Variants in AKAP6 observed in about 807,000 individuals in gnomAD.
The protein encoded by AKAP6 is A-kinase anchor protein 6.
Under a neutral mutation model 188.5 loss-of-function variants are expected in AKAP6, and 58 were observed. The observed-to-expected ratio is 0.31, with a 90% CI of 0.25 to 0.38. The LOEUF is 0.38. AKAP6 is among the 10% of genes least tolerant of loss of function. The pLI, the probability that AKAP6 is intolerant of heterozygous loss-of-function variation, is 1.00. For missense variants in AKAP6, 2,710 were observed against 2,740.0 expected (o/e 0.99, Z 0.24); for synonymous variants, 989 against 998.6 (o/e 0.99, Z 0.18).
chr14:32,774,494 G>A (rs769029525), intron 12 of AKAP6, among the ~76,000 whole-genome samples: 1 of 152,174 alleles, frequency 6.6e-6, no homozygotes. Flanking sequence ...CAGTGCTCAA[G>A]GTGGTGAGTA....
In AKAP6 at chr14:32,546,783, G is replaced by C. The variant is rs1345663106; in HGVS notation, c.2130G>C (p.Glu710Asp). The change falls in exon 4 of 14, where the codon GAG becomes GAC. Residue 710 changes from glutamate (E) to aspartate (D), a missense_variant. Glu to Asp is a conservative substitution (Grantham distance 45, BLOSUM62 2). Coordinates refer to ENST00000280979, the MANE Select transcript of AKAP6 (RefSeq NM_004274.5). ...GTGACATAGCCTCTTCACTAGGGGA[G>C]AGCATTGAATCTGGGCCCCTGAGTG... ...SSSDIASSLG[E>D]SIESGPLSDI... 2 of 1,614,134 alleles carry C rather than the reference G, an allele frequency of 1.2e-6. No homozygotes were observed. The highest frequency in any genetic ancestry group is 2.2e-5 in the South Asian group (2 of 91,076).
At chr14:32,668,815 T>C (rs1889057083) in intron 7 of AKAP6, among the ~76,000 whole-genome samples, 5 of 152,094 alleles carry the variant, frequency 3.3e-5, no homozygotes, top group Admixed American at 3.3e-4. Context: ...TTATGATTAG[T>C]TTTATATCCT....
chr14:32,573,797 G>A (rs1956211), intron 4 of AKAP6, among the ~76,000 whole-genome samples: 120,856 of 152,074 alleles, frequency 0.79, 48,121 homozygotes, highest in East Asian at 0.91. Flanking sequence ...TGCCAGCAGA[G>A]CTTCTGAAAA....
At chr14:32,487,548 T>C (rs1879770548) in intron 2 of AKAP6, among the ~76,000 whole-genome samples, 1 of 152,244 alleles carries the variant, frequency 6.6e-6, no homozygotes, top group Non-Finnish European at 1.5e-5. Flanking sequence ...TTCTGTCAAT[T>C]TGTCAATCTC....
In AKAP6 at chr14:32,696,095, G is replaced by C. The variant is rs757083697; in HGVS notation, c.2985G>C (p.Gln995His). The change falls in exon 9 of 14, where the codon CAG (glutamine) becomes CAC (histidine). Residue 995 changes from glutamine to histidine, a missense_variant. Coordinates refer to ENST00000280979, the MANE Select transcript of AKAP6 (RefSeq NM_004274.5). ...ACCTGATGATGTCAGAGGAGCAGCAGCAGCATCTTTACAAGGTTAGAGCTA... is the reference window on the plus strand; with the variant it reads ...ACCTGATGATGTCAGAGGAGCAGCACCAGCATCTTTACAAGGTTAGAGCTA... ...SHDLMMSEEQ[Q>H]QHLYKRYSVE... The C allele has an allele frequency of 1.2e-5, 20 of 1,608,666 alleles. No individual in the cohort carries two copies. Among genetic ancestry groups the C allele is most frequent in the Non-Finnish European group, 1.7e-5 (20 of 1,178,522 alleles).
chr14:32,666,417 T>C (rs1486219728), intron 7 of AKAP6, among the ~76,000 whole-genome samples: 1 of 152,088 alleles, frequency 6.6e-6, no homozygotes, highest in Non-Finnish European at 1.5e-5. Context: ...TTAGTTACAG[T>C]CTCCAGCTGT....
chr14:32,816,179 T>C (rs1188342148), intron 12 of AKAP6, among the ~76,000 whole-genome samples: 4 of 152,170 alleles, frequency 2.6e-5, no homozygotes, highest in Admixed American at 2.6e-4. Flanking sequence ...TGTTTGTCAT[T>C]GCTCTTATAT....
intron 2 of AKAP6, among the ~76,000 whole-genome samples, chr14:32,491,217 C>T (rs1264295539): frequency 6.6e-6 from 1 of 152,176 alleles, no homozygotes; most frequent in African/African-American, 2.4e-5. Context: ...AGTTATTTAT[C>T]CTAACTTCTA....
chr14:32,422,759 C>T (rs953118063), intron 1 of AKAP6, among the ~76,000 whole-genome samples: 1 of 137,170 alleles, frequency 7.3e-6, no homozygotes, highest in Non-Finnish European at 1.6e-5. Flanking sequence ...CTCAGATATT[C>T]CTAACACTTG....
At chr14:32,602,982 G>C (rs1885991867) in intron 7 of AKAP6, among the ~76,000 whole-genome samples, 1 of 152,178 alleles carries the variant, frequency 6.6e-6, no homozygotes, top group Non-Finnish European at 1.5e-5. Flanking sequence ...TGAAGTGTGA[G>C]CAACAGATTT....
intron 5 of AKAP6, among the ~76,000 whole-genome samples, chr14:32,591,497 T>A (rs1885484480): frequency 6.6e-6 from 1 of 151,780 alleles, no homozygotes; most frequent in African/African-American, 2.4e-5. Context: ...AGCAACTGTT[T>A]GTTTGAAATA....
At chr14:32,370,650 T>C (rs1045596360) in intron 1 of AKAP6, among the ~76,000 whole-genome samples, 8 of 152,220 alleles carry the variant, frequency 5.3e-5, no homozygotes, top group Non-Finnish European at 1.0e-4. Flanking sequence ...GCAACTTGCA[T>C]AAGATAAATC....
chr14:32,404,691 G>GATATATAT (rs55702209), intron 1 of AKAP6, among the ~76,000 whole-genome samples: 964 of 44,430 alleles, frequency 0.022, 117 homozygotes, highest in African/African-American at 0.058. Flanking sequence ...GGAGTCAGGA[G>GATATATAT]ATATATATAT....
At chr14:32,592,626 C>A (rs1208498191) in intron 5 of AKAP6, among the ~76,000 whole-genome samples, 1 of 152,078 alleles carries the variant, frequency 6.6e-6, no homozygotes, top group Non-Finnish European at 1.5e-5. Flanking sequence ...ATGCTCAGGG[C>A]CTGGGTCTTA....
At chr14:32,760,949 A>G (rs1488069500) in intron 11 of AKAP6, among the ~76,000 whole-genome samples, 2 of 152,202 alleles carry the variant, frequency 1.3e-5, no homozygotes, top group African/African-American at 4.8e-5. Flanking sequence ...AATGACCCTG[A>G]GAGTATTACC....
intron 5 of AKAP6, among the ~76,000 whole-genome samples, chr14:32,591,216 C>T (rs1885471916): frequency 1.3e-5 from 2 of 152,146 alleles, no homozygotes; most frequent in African/African-American, 4.8e-5. Flanking sequence ...ATCAGGGCCT[C>T]TGGAAGTCAA....
chr14:32,806,650 C>T (rs1422298698), intron 12 of AKAP6, among the ~76,000 whole-genome samples: 1 of 151,744 alleles, frequency 6.6e-6, no homozygotes, highest in East Asian at 1.9e-4. Flanking sequence ...ACACTCCAGC[C>T]CGGGCAGCAG....
At chr14:32,502,083 A>G (rs2138987048) in intron 2 of AKAP6, among the ~76,000 whole-genome samples, 1 of 152,244 alleles carries the variant, frequency 6.6e-6, no homozygotes, top group East Asian at 1.9e-4. Flanking sequence ...TAAGGTCCTC[A>G]TCAAGCCATT....
At chr14:32,596,876 C>T (rs1402503269) in intron 5 of AKAP6, among the ~76,000 whole-genome samples, 1 of 152,180 alleles carries the variant, frequency 6.6e-6, no homozygotes, top group South Asian at 2.1e-4. Flanking sequence ...AATCCTTTAG[C>T]AGCCAGAAAT....
Sources: allele counts gnomAD v4.1 joint callset (sites outside exome capture counted in the v4.1 genomes callset), GRCh38; gene constraint gnomAD v4.1.1; transcripts MANE v1.5; gene names NCBI Gene and HGNC (gene_info 2026-07-23, HGNC 2026-07-21).